Variants in MYO5B observed in about 807,000 individuals in gnomAD.
The protein encoded by MYO5B is unconventional myosin-Vb.
Under a neutral mutation model 229.3 loss-of-function variants are expected in MYO5B, and 143 were observed. The ratio of observed to expected loss-of-function variants is 0.62; its 90% CI spans 0.54 to 0.72. MYO5B has a LOEUF of 0.72. MYO5B is among the 30% of genes least tolerant of loss of function. The pLI is 0.00. For synonymous variants in MYO5B, 918 were observed against 885.2 expected (o/e 1.04, Z -0.66); for missense variants, 2,321 against 2,331.0 (o/e 1.00, Z 0.09).
rs901424089 is a variant in MYO5B at position 49,995,599 on chromosome 18, A to G, written c.613-3168T>C. Reference sequence around the variant, plus strand: ...CCTCTCAGAAGATGCTAGAAAACCAACTAATTACTATGAAACCTAGTAAAT... The same window carrying G: ...CCTCTCAGAAGATGCTAGAAAACCAGCTAATTACTATGAAACCTAGTAAAT... On this transcript the variant is annotated intron_variant, in intron 5 of 39. Coordinates refer to ENST00000285039, the MANE Select transcript of MYO5B (RefSeq NM_001080467.3). Among the ~76,000 whole-genome samples the G allele has an allele frequency of 3.9e-5, 6 of 152,110 alleles. 1 individual carries two copies. The highest frequency in any genetic ancestry group is 3.3e-4 in the Admixed American group (5 of 15,254).
chr18:49,894,231 G>A (rs996656079), intron 22 of MYO5B, among the ~76,000 whole-genome samples: 5 of 146,234 alleles, frequency 3.4e-5, no homozygotes, highest in Admixed American at 3.4e-4. Context: ...GACAAACACT[G>A]AAAAAGCGGG....
intron 4 of MYO5B, among the ~76,000 whole-genome samples, chr18:50,026,620 A>G (rs1282312963): frequency 6.6e-6 from 1 of 152,204 alleles, no homozygotes; most frequent in East Asian, 1.9e-4. Context: ...AGGACAACCT[A>G]TAAATGGAAT....
Position 49,906,571 on chromosome 18 carries a change from G to C in MYO5B, c.2262C>G (p.Ala754=), listed in dbSNP as rs746723567. The part of the protein sequence containing the change: ...TKIFFRAGQV[A]YLEKLRADKF... ...TGTCAGCCCGCAGCTTCTCCAGGTA[G>C]GCCACCTGGCCTGCTCGAAAGAAGA... Residue 754 remains alanine, a synonymous_variant, in exon 19 of 40, where the codon GCC becomes GCG. Coordinates refer to ENST00000285039, the MANE Select transcript of MYO5B (RefSeq NM_001080467.3). 1.9e-6 allele frequency: 3 copies of C among 1,614,168 alleles called. No individual in the cohort carries two copies. The South Asian group carries it at 3.3e-5, about 18-fold the overall frequency.
At chr18:49,939,148 CT>C (rs11313115) in intron 14 of MYO5B, among the ~76,000 whole-genome samples, 21,109 of 118,776 alleles carry the variant, frequency 0.18, 1,305 homozygotes, top group African/African-American at 0.32. Flanking sequence ...TCTTTTTTTT[CT>C]TTTTTTTTTT....
intron 39 of MYO5B, among the ~76,000 whole-genome samples, chr18:49,833,882 A>G (rs1447171158): frequency 6.6e-6 from 1 of 152,132 alleles, no homozygotes; most frequent in Non-Finnish European, 1.5e-5. Flanking sequence ...ATTGTTGTAT[A>G]CATGTTGGTG....
chr18:49,854,303 G>C (rs1443212496), intron 30 of MYO5B, among the ~76,000 whole-genome samples: 2 of 152,180 alleles, frequency 1.3e-5, no homozygotes, highest in African/African-American at 2.4e-5. Flanking sequence ...CTGGTGTCAT[G>C]ACAAGAAGCA....
At chr18:49,945,558 G>T (rs893367339) in intron 14 of MYO5B, among the ~76,000 whole-genome samples, 1 of 151,898 alleles carries the variant, frequency 6.6e-6, no homozygotes. Flanking sequence ...GCATACCTCC[G>T]GGCACACCTT....
intron 22 of MYO5B, among the ~76,000 whole-genome samples, chr18:49,882,495 G>A (rs1333247648): frequency 6.6e-6 from 1 of 151,764 alleles, no homozygotes; most frequent in Middle Eastern, 3.2e-3. Context: ...GGGCGTGGTG[G>A]TGCGTGCCTG....
At chr18:50,069,600 C>T (rs189557725) in intron 1 of MYO5B, among the ~76,000 whole-genome samples, 1 of 152,256 alleles carries the variant, frequency 6.6e-6, no homozygotes, top group East Asian at 1.9e-4. Flanking sequence ...ACTAGAAGAG[C>T]ACTGTTTAGA....
chr18:49,947,099 C>CT (rs2025382268), intron 14 of MYO5B, among the ~76,000 whole-genome samples: 2 of 119,468 alleles, frequency 1.7e-5, no homozygotes, highest in South Asian at 2.8e-4. Flanking sequence ...AGTCACCAAG[C>CT]TCTTTTTTTT....
At chr18:50,060,465 C>T (rs79402832) in intron 1 of MYO5B, among the ~76,000 whole-genome samples, 156 of 152,244 alleles carry the variant, frequency 1.0e-3, no homozygotes, top group Middle Eastern at 3.4e-3. Context: ...ACTCATACAA[C>T]CCAATTACCA....
chr18:49,876,336 C>A, intron 25 of MYO5B: 1 of 244,768 alleles, frequency 4.1e-6, no homozygotes, highest in Non-Finnish European at 8.0e-6. Flanking sequence ...GATCTTAAAG[C>A]ATCTATTTCC....
intron 2 of MYO5B, among the ~76,000 whole-genome samples, chr18:50,048,266 C>G (rs1180492785): frequency 6.6e-6 from 1 of 152,190 alleles, no homozygotes; most frequent in East Asian, 1.9e-4. Flanking sequence ...CCATGAAGCA[C>G]AGCACAGGCA....
At chr18:49,873,921 T>C (rs1463985550) in intron 26 of MYO5B, among the ~76,000 whole-genome samples, 1 of 152,198 alleles carries the variant, frequency 6.6e-6, no homozygotes, top group Non-Finnish European at 1.5e-5. Flanking sequence ...TGGGCTTCCC[T>C]GCCATTCCTC....
chr18:50,114,712 T>C (rs551655728), intron 1 of MYO5B, among the ~76,000 whole-genome samples: 133 of 152,188 alleles, frequency 8.7e-4, no homozygotes, highest in Middle Eastern at 3.4e-3. Flanking sequence ...TCTACTTGAG[T>C]GGCCAGCACC....
chr18:49,864,464 T>C, intron 27 of MYO5B, 84 bp from the exon 28 acceptor site: 11 of 1,566,998 alleles, frequency 7.0e-6, no homozygotes, highest in Non-Finnish European at 9.5e-6. Context: ...TCCCCTTCTT[T>C]TGTCCACTGG....
At chr18:49,912,720 C>A (rs2024972099) in intron 17 of MYO5B, among the ~76,000 whole-genome samples, 1 of 152,210 alleles carries the variant, frequency 6.6e-6, no homozygotes, top group Non-Finnish European at 1.5e-5. Flanking sequence ...TCCTCCCCAG[C>A]CATGTGGAAC....
At chr18:50,032,208 T>C (rs959621604) in intron 4 of MYO5B, among the ~76,000 whole-genome samples, 4 of 152,206 alleles carry the variant, frequency 2.6e-5, no homozygotes, top group Non-Finnish European at 5.9e-5. Flanking sequence ...TAAGATATCA[T>C]TCACAGAACA....
intron 1 of MYO5B, among the ~76,000 whole-genome samples, chr18:50,074,966 G>A (rs553608849): frequency 1.4e-4 from 21 of 152,040 alleles, no homozygotes; most frequent in Admixed American, 8.5e-4. Flanking sequence ...GATTACAGGC[G>A]CACCCCATCA....
Sources: gnomAD v4.1 joint callset for allele counts (sites outside exome capture counted in the v4.1 genomes callset) on GRCh38, gnomAD v4.1.1 for gene constraint, MANE v1.5 for transcripts, NCBI Gene and HGNC (gene_info 2026-07-23, HGNC 2026-07-21) for gene names.